GRIN2D: variants seen among roughly 807,000 people sequenced by gnomAD.
GRIN2D encodes the protein glutamate receptor ionotropic, NMDA 2D.
Under a neutral mutation model 103.2 loss-of-function variants are expected in GRIN2D, and 37 were observed. The ratio of observed to expected loss-of-function variants is 0.36; its 90% CI spans 0.28 to 0.47. The LOEUF is 0.47. Among genes scored for constraint, GRIN2D ranks in the 20% least tolerant of loss-of-function variants. The probability of loss-of-function intolerance (pLI) is 1.00; values close to 1 mark genes in which losing one functional copy is unlikely to be tolerated. For missense variants in GRIN2D, 1,557 were observed against 1,910.6 expected, an observed-to-expected ratio of 0.81 and a Z score of 3.45; for synonymous variants, 845 against 885.6, an observed-to-expected ratio of 0.95 and a Z score of 0.81.
intron 4 of GRIN2D, among the ~76,000 whole-genome samples, chr19:48,406,413 G>C (rs1462471112): frequency 6.6e-6 from 1 of 152,150 alleles, no homozygotes; most frequent in Non-Finnish European, 1.5e-5. Context: ...TGGAAAAATT[G>C]GTAAGTTTGG....
Position 48,394,730 on chromosome 19 carries a change from G to T in GRIN2D, c.-233G>T. ...TTGGGGGAGAGACAGGGCAGGACAG[G>T]ACCAAGGAAGAGGAAGGAGAGACGG... On this transcript the variant is annotated 5_prime_UTR_variant, in exon 2 of 14. Coordinates refer to ENST00000263269, the MANE Select transcript of GRIN2D (RefSeq NM_000836.4). The surrounding 1 kb of genome is among the most constrained non-coding windows in gnomAD (Gnocchi z 5.1). The T allele has an allele frequency of 6.5e-6, 1 of 153,918 alleles. No homozygotes were observed. The highest frequency in any genetic ancestry group is 2.0e-4 in the South Asian group (1 of 5,008). 9.5% of individuals were successfully genotyped at this position (153,918 alleles called of 1,614,324 possible).
In GRIN2D at chr19:48,442,703, C is replaced by A; in HGVS notation, c.2777C>A (p.Ala926Asp). ...CCCGCGTACCCCGCGCCGCGGCCGG[C>A]TCCCGGGCCCGCACCTTTCGTGCCC... The part of the protein sequence containing the change: ...PSPAYPAPRP[A>D]PGPAPFVPRE... Residue 926 changes from alanine to aspartate, a missense_variant, in exon 14 of 14, where the codon GCT (alanine) becomes GAT (aspartate). By Grantham distance (126) the Ala-to-Asp change is moderately radical (BLOSUM62 -2). Around this residue, in one of 7 missense-constraint regions of GRIN2D, gnomAD observed 632 missense variants for 572.8 expected, o/e 1.10. Coordinates refer to ENST00000263269, the MANE Select transcript of GRIN2D (RefSeq NM_000836.4). The surrounding 1 kb of genome is among the most constrained non-coding windows in gnomAD (Gnocchi z 7.2). 8.6e-7 allele frequency: 1 copy of A among 1,156,338 alleles called. No individual in the cohort carries two copies. Among genetic ancestry groups the A allele is most frequent in the Non-Finnish European group, 1.1e-6 (1 of 941,436 alleles). 71.6% of individuals were successfully genotyped at this position (1,156,338 alleles called of 1,614,324 possible).
Position 48,443,312 on chromosome 19 carries a change from T to G in GRIN2D, c.3386T>G (p.Leu1129Arg). ...CTGGGCGGCGCGTCGCTGGGCGGCCTGGAGCCCTGGTGGTTCGCCGACTTC... is the reference window on the plus strand; with the variant it reads ...CTGGGCGGCGCGTCGCTGGGCGGCCGGGAGCCCTGGTGGTTCGCCGACTTC... ...ESLGGASLGG[L>R]EPWWFADFPY... Residue 1129 changes from leucine to arginine, a missense_variant, in exon 14 of 14, where the codon CTG (leucine) becomes CGG (arginine). Leu to Arg is a moderately radical substitution (Grantham distance 102). This residue lies in a region of GRIN2D where 632 missense variants were observed against 572.8 expected (regional missense o/e 1.10). Transcript: ENST00000263269. This position sits in a 1 kb window ranked among gnomAD's most constrained non-coding sequence, Gnocchi z 8.9. 6.6e-7 allele frequency: 1 copy of G among 1,526,116 alleles called. No homozygotes were observed. Among genetic ancestry groups the G allele is most frequent in the Non-Finnish European group, 8.7e-7 (1 of 1,144,148 alleles). The allele number at this position is 1,526,116 out of a possible 1,614,324, so 94.5% of individuals were successfully genotyped here. A position where few individuals can be genotyped will look rare whatever the true frequency, so the allele number is the denominator to read the frequency against.
chr19:48,436,848 G>T (rs1161047676), intron 11 of GRIN2D, among the ~76,000 whole-genome samples: 1 of 152,158 alleles, frequency 6.6e-6, no homozygotes, highest in Non-Finnish European at 1.5e-5. Flanking sequence ...GAGTGAGGGG[G>T]GGCTTGGGAG....
chr19:48,406,331 G>A (rs905766723), intron 4 of GRIN2D, among the ~76,000 whole-genome samples: 1 of 152,180 alleles, frequency 6.6e-6, no homozygotes, highest in Non-Finnish European at 1.5e-5. Flanking sequence ...CCCAACTTAC[G>A]CACTATTATT....
rs1228806178 is a variant in GRIN2D, at chr19:48,398,737, G to C, written c.345G>C (p.Val115=). The C allele has an allele frequency of 6.8e-7, 1 of 1,467,124 alleles. No homozygotes were observed. Among genetic ancestry groups the C allele is most frequent in the South Asian group, 1.3e-5 (1 of 77,322 alleles). 90.9% of individuals were successfully genotyped at this position (1,467,124 alleles called of 1,614,324 possible). ...DLLSGLRVHG[V]VFEDDSRAPA... is the part of the protein sequence containing the mutation. ...TGTCGGGGTTGCGCGTGCACGGCGTGGTCTTCGAAGACGACTCGCGCGCGC... is the reference window on the plus strand; with the variant it reads ...TGTCGGGGTTGCGCGTGCACGGCGTCGTCTTCGAAGACGACTCGCGCGCGC... The change falls in exon 3 of 14, where the codon GTG becomes GTC. Residue 115 remains valine, a synonymous_variant. Transcript: ENST00000263269.
At chr19:48,430,959 A>G (rs1412138597) in intron 11 of GRIN2D, among the ~76,000 whole-genome samples, 1 of 151,826 alleles carries the variant, frequency 6.6e-6, no homozygotes, top group Non-Finnish European at 1.5e-5. Context: ...AGCTGGGATT[A>G]CAGTCGTGCA....
In GRIN2D at chr19:48,443,695, G is replaced by A. The variant is rs1272304386; in HGVS notation, c.3769G>A (p.Ala1257Thr). The change falls in exon 14 of 14, where the codon GCT (alanine) becomes ACT (threonine). Residue 1257 changes from alanine to threonine, a missense_variant. Around this residue, in one of 7 missense-constraint regions of GRIN2D, gnomAD observed 632 missense variants for 572.8 expected, o/e 1.10. Transcript: ENST00000263269. This position sits in a 1 kb window ranked among gnomAD's most constrained non-coding sequence, Gnocchi z 8.9. ...CCACCACCACAGGCACCGGCGCGCC[G>A]CTGGGGGCTGGGACCTCCCGCCGCC... ...APHHHRHRRA[A>T]GGWDLPPPAP... is the part of the protein sequence containing the mutation. The A allele has an allele frequency of 8.0e-7, 1 of 1,247,202 alleles. No individual in the cohort carries two copies. Among genetic ancestry groups the A allele is most frequent in the Non-Finnish European group, 1.0e-6 (1 of 999,316 alleles). 77.3% of individuals were successfully genotyped at this position (1,247,202 alleles called of 1,614,324 possible). A position where few individuals can be genotyped will look rare whatever the true frequency, so the allele number is the denominator to read the frequency against.
In GRIN2D at chr19:48,442,725, GC is replaced by G. The variant is rs1227570787; in HGVS notation, c.2803del (p.Arg935AlafsTer39). On this transcript the variant is annotated frameshift_variant, in exon 14 of 14. Coordinates refer to ENST00000263269, the MANE Select transcript of GRIN2D (RefSeq NM_000836.4). LOFTEE classifies it high-confidence loss of function. This position sits in a 1 kb window ranked among gnomAD's most constrained non-coding sequence, Gnocchi z 7.2. The stretch of plus-strand genomic sequence containing the variant: ...CGGCTCCCGGGCCCGCACCTTTCGT[GC>G]CCCGCGAGCGCGCCTCAGTGGACCG... ...RPAPGPAPFV[P>X]RERASVDRWR... The G allele has an allele frequency of 9.0e-7, 1 of 1,116,168 alleles. No individual in the cohort carries two copies. Among genetic ancestry groups the G allele is most frequent in the South Asian group, 3.4e-5 (1 of 29,440 alleles). 69.1% of individuals were successfully genotyped at this position (1,116,168 alleles called of 1,614,324 possible).
At position 48,421,130 on chromosome 19, in the gene GRIN2D, C is replaced by T. The variant is rs1202418258; in HGVS notation, c.2092-655C>T. On this transcript the variant is annotated intron_variant, in intron 10 of 13. Coordinates refer to ENST00000263269, the MANE Select transcript of GRIN2D (RefSeq NM_000836.4). This position sits in a 1 kb window ranked among gnomAD's most constrained non-coding sequence, Gnocchi z 4.8. The stretch of plus-strand genomic sequence containing the variant: ...CATCTTATGTATAAGTTTGGTTTTA[C>T]AAAACTTGTTTTAGTTGTCTGGGCG... Among the ~76,000 whole-genome samples the T allele has an allele frequency of 8.5e-5, 13 of 152,084 alleles. No individual in the cohort carries two copies. The highest frequency in any genetic ancestry group is 1.6e-4 in the Non-Finnish European group (11 of 67,994).
At position 48,442,827 on chromosome 19, in the gene GRIN2D, C is replaced by A; in HGVS notation, c.2901C>A (p.Pro967=). The A allele has an allele frequency of 9.3e-7, 1 of 1,080,134 alleles. No individual in the cohort carries two copies. Among genetic ancestry groups the A allele is most frequent in the Non-Finnish European group, 1.1e-6 (1 of 892,094 alleles). 66.9% of individuals were successfully genotyped at this position (1,080,134 alleles called of 1,614,324 possible). A position where few individuals can be genotyped will look rare whatever the true frequency, so the allele number is the denominator to read the frequency against. Residue 967 remains proline, a synonymous_variant, in exon 14 of 14, where the codon CCC becomes CCA. Transcript: ENST00000263269. This position sits in a 1 kb window ranked among gnomAD's most constrained non-coding sequence, Gnocchi z 7.2. Reference sequence around the variant, plus strand: ...ACGGCTTCCACCGCTACTACGGCCCCATCGAGCCGCAGGGCCTAGGCCTCG... The same window carrying A: ...ACGGCTTCCACCGCTACTACGGCCCAATCGAGCCGCAGGGCCTAGGCCTCG... ...LADGFHRYYG[P]IEPQGLGLGL... is the part of the protein sequence containing the mutation.
rs1344855541 is a variant in GRIN2D at position 48,414,813 on chromosome 19, G to C, written c.1413-51G>C. 2 of 1,583,676 alleles carry C rather than the reference G, an allele frequency of 1.3e-6. No individual in the cohort carries two copies. The highest frequency in any genetic ancestry group is 1.4e-5 in the African/African-American group (1 of 74,070). ...TCCTCCATATCCTCTCTTCATGAGAGAGTCTAAGGAGGGGGTCCCCAAACT... is the reference window on the plus strand; with the variant it reads ...TCCTCCATATCCTCTCTTCATGAGACAGTCTAAGGAGGGGGTCCCCAAACT... On this transcript the variant is annotated intron_variant, in intron 6 of 13. Coordinates refer to ENST00000263269, the MANE Select transcript of GRIN2D (RefSeq NM_000836.4). This position sits in a 1 kb window ranked among gnomAD's most constrained non-coding sequence, Gnocchi z 4.6.
At chr19:48,402,765 C>CGAGAGTGAGA in intron 3 of GRIN2D, among the ~76,000 whole-genome samples, 1 of 108,964 alleles carries the variant, frequency 9.2e-6, no homozygotes, top group Non-Finnish European at 1.8e-5. Flanking sequence ...TACTCCTTTA[C>CGAGAGTGAGA]GAGAGAGAGA....
In GRIN2D at chr19:48,414,334, T is replaced by A. The variant is rs1970914980; in HGVS notation, c.1201-39T>A. 2 of 1,507,036 alleles carry A rather than the reference T, an allele frequency of 1.3e-6. No homozygotes were observed. The highest frequency in any genetic ancestry group is 1.8e-6 in the Non-Finnish European group (2 of 1,106,840). The allele number at this position is 1,507,036 out of a possible 1,614,324, so 93.4% of individuals were successfully genotyped here. On this transcript the variant is annotated intron_variant, in intron 5 of 13. Transcript: ENST00000263269. This position sits in a 1 kb window ranked among gnomAD's most constrained non-coding sequence, Gnocchi z 4.6. Reference sequence around the variant, plus strand: ...ATGGAGGCCAGGATACACCGGGAAGTCTTCCCAGGAAGCCTGACTCTCTTT... The same window carrying A: ...ATGGAGGCCAGGATACACCGGGAAGACTTCCCAGGAAGCCTGACTCTCTTT...
chr19:48,404,827 T>A lies in GRIN2D; in HGVS notation c.559T>A (p.Phe187Ile). 1 of 1,614,188 alleles carries A rather than the reference T, an allele frequency of 6.2e-7. No individual in the cohort carries two copies. The highest frequency in any genetic ancestry group is 8.5e-7 in the Non-Finnish European group (1 of 1,180,016). The change falls in exon 4 of 14, where the codon TTT becomes ATT. Residue 187 changes from phenylalanine to isoleucine, a missense_variant. Phe to Ile is a conservative substitution (Grantham distance 21). Around this residue, in one of 7 missense-constraint regions of GRIN2D, gnomAD observed 490 missense variants for 601.1 expected, o/e 0.82. Coordinates refer to ENST00000263269, the MANE Select transcript of GRIN2D (RefSeq NM_000836.4). ...EVLEEYDWTS[F>I]VAVTTRAPGH... ...GCTGGAGGAGTATGACTGGACGTCCTTTGTAGCCGTGACCACTCGTGCCCC... is the reference window on the plus strand; with the variant it reads ...GCTGGAGGAGTATGACTGGACGTCCATTGTAGCCGTGACCACTCGTGCCCC...
At chr19:48,416,891 T>C (rs157067) in intron 8 of GRIN2D, among the ~76,000 whole-genome samples, 95,741 of 151,652 alleles carry the variant, frequency 0.63, 31,963 homozygotes, top group East Asian at 0.85. Context: ...ATCACAGGCA[T>C]GCACCACCAC....
intron 2 of GRIN2D, among the ~76,000 whole-genome samples, chr19:48,395,704 C>A (rs1444254059): frequency 6.6e-6 from 1 of 151,938 alleles, no homozygotes; most frequent in Non-Finnish European, 1.5e-5. Flanking sequence ...TGTACAGGAT[C>A]TAAGTGGGGT....
chr19:48,396,550 G>C (rs1258399694), intron 2 of GRIN2D, among the ~76,000 whole-genome samples: 7 of 151,910 alleles, frequency 4.6e-5, no homozygotes, highest in African/African-American at 1.7e-4. Context: ...TTATTTTGGG[G>C]CGGAGTGGGG....
chr19:48,404,100 C>T (rs1378351894), intron 3 of GRIN2D, among the ~76,000 whole-genome samples: 2 of 152,132 alleles, frequency 1.3e-5, no homozygotes, highest in Admixed American at 6.5e-5. Context: ...ATTAGTTGGG[C>T]GTGGTGGCGC....
Sources: allele counts gnomAD v4.1 joint callset (sites outside exome capture counted in the v4.1 genomes callset), GRCh38; gene constraint gnomAD v4.1.1; regional missense constraint gnomAD v4.1.1; non-coding constraint Gnocchi (gnomAD v3.1); transcripts MANE v1.5; gene names NCBI Gene and HGNC (gene_info 2026-07-23, HGNC 2026-07-21).